CD109: variants seen among roughly 807,000 people sequenced by gnomAD.
The protein encoded by CD109 is CD109 antigen.
Under a neutral mutation model 165.8 loss-of-function variants are expected in CD109, and 149 were observed. That is an observed-to-expected ratio of 0.90 (90% CI 0.79 to 1.03). The LOEUF is 1.03. CD109 is among the 50% of genes least tolerant of loss of function. CD109 has a pLI of 0.00. For missense variants in CD109, 1,712 were observed against 1,677.8 expected (o/e 1.02, Z -0.36); for synonymous variants, 585 against 592.1 (o/e 0.99, Z 0.18).
chr6:73,712,479 T>G (rs1291940471), intron 2 of CD109, among the ~76,000 whole-genome samples: 1 of 152,182 alleles, frequency 6.6e-6, no homozygotes, highest in Non-Finnish European at 1.5e-5. Flanking sequence ...ATCCACTTTT[T>G]TTTTCATAGA....
chr6:73,767,859 C>A (rs1464848169), intron 13 of CD109, among the ~76,000 whole-genome samples, 196 bp from the exon 14 acceptor site: 3 of 152,144 alleles, frequency 2.0e-5, no homozygotes, highest in Non-Finnish European at 4.4e-5. Context: ...ATCAGTATTA[C>A]TTTAATCTTA....
chr6:73,786,861 T>C (rs893826049), intron 20 of CD109, among the ~76,000 whole-genome samples: 2 of 152,240 alleles, frequency 1.3e-5, no homozygotes, highest in Admixed American at 1.3e-4. Context: ...ATTTTTCTAA[T>C]GAGACCAGTA....
intron 29 of CD109, among the ~76,000 whole-genome samples, chr6:73,813,916 A>T (rs1562086101): frequency 1.3e-5 from 2 of 152,094 alleles, no homozygotes. Context: ...GCATTTCTCC[A>T]ATTTTATGGG....
chr6:73,750,009 C>T (rs953559079), intron 5 of CD109, among the ~76,000 whole-genome samples: 1 of 152,128 alleles, frequency 6.6e-6, no homozygotes. Context: ...CGAATACCTT[C>T]AATGTTAGCT....
chr6:73,815,052 C>T lies in CD109; in HGVS notation c.3840C>T (p.Ala1280=), dbSNP rs766646924. 1 of 1,587,738 alleles carries T rather than the reference C, an allele frequency of 6.3e-7. No homozygotes were observed. Among genetic ancestry groups the T allele is most frequent in the Non-Finnish European group, 8.5e-7 (1 of 1,170,428 alleles). Residue 1280 remains alanine, a synonymous_variant, in exon 30 of 33, where the codon GCC becomes GCT. Coordinates refer to ENST00000287097, the MANE Select transcript of CD109 (RefSeq NM_133493.5). ...GAAGATCTATCCAAAATCAAGAAGC[C>T]TTTGATTTAGATGTTGCTGTAAAAG... ...RRRRSIQNQE[A]FDLDVAVKEN... is the part of the protein sequence containing the mutation.
At chr6:73,683,752 G>A in the CD109 span, among the ~76,000 whole-genome samples, 1 of 152,308 alleles carries the variant, frequency 6.6e-6, no homozygotes, top group South Asian at 2.1e-4. Flanking sequence ...CATAATCATG[G>A]TGGAAGGCAA....
At chr6:73,726,774 GC>G (rs34639255) in intron 3 of CD109, among the ~76,000 whole-genome samples, 8,241 of 152,264 alleles carry the variant, frequency 0.054, 247 homozygotes, top group Middle Eastern at 0.085. Context: ...AGTCAACATA[GC>G]CAATCCAGAG....
At chr6:73,750,582 C>T (rs763896602) in intron 5 of CD109, among the ~76,000 whole-genome samples, 8 of 152,046 alleles carry the variant, frequency 5.3e-5, no homozygotes, top group Non-Finnish European at 8.8e-5. Context: ...AGCAATAAAG[C>T]GCATAAATAG....
intron 14 of CD109, 108 bp downstream of exon 14, chr6:73,768,339 T>G: frequency 1.5e-6 from 1 of 654,958 alleles, no homozygotes; most frequent in Non-Finnish European, 2.6e-6. Context: ...GTTAGAAATT[T>G]ATATTATTCT....
intron 4 of CD109, among the ~76,000 whole-genome samples, chr6:73,732,171 A>C (rs1219629378): frequency 6.6e-6 from 1 of 152,226 alleles, no homozygotes; most frequent in Non-Finnish European, 1.5e-5. Flanking sequence ...GAACCTCCTT[A>C]GTCTCAGGAC....
At chr6:73,771,284 A>G (rs898565184) in intron 14 of CD109, 145 bp from the exon 15 acceptor site, 2 of 570,994 alleles carry the variant, frequency 3.5e-6, no homozygotes, top group African/African-American at 3.9e-5. Flanking sequence ...CTTTCCCTAG[A>G]GAAGGGTTAT....
chr6:73,767,945 TG>T (rs1773908172), intron 13 of CD109, 109 bp from the exon 14 acceptor site: 1 of 884,076 alleles, frequency 1.1e-6, no homozygotes, highest in Admixed American at 2.4e-5. Flanking sequence ...ACTTTGAAGC[TG>T]GTTTAATTCA....
chr6:73,713,331 C>T (rs935613854), intron 2 of CD109, among the ~76,000 whole-genome samples: 9 of 152,176 alleles, frequency 5.9e-5, no homozygotes, highest in Non-Finnish European at 1.3e-4. Flanking sequence ...CTCTGAGTCG[C>T]TCCCTGGATC....
intron 2 of CD109, among the ~76,000 whole-genome samples, chr6:73,717,732 A>G (rs993502150): frequency 2.8e-5 from 4 of 143,514 alleles, no homozygotes; most frequent in Non-Finnish European, 6.0e-5. Context: ...GCATTCTCCT[A>G]CCTCAGACTT....
chr6:73,762,628 T>C (rs1157446367), intron 8 of CD109, 113 bp from the exon 9 acceptor site: 3 of 992,906 alleles, frequency 3.0e-6, no homozygotes, highest in Admixed American at 5.2e-5. Context: ...TATGCAATTA[T>C]AGCGATTAAA....
At chr6:73,691,779 T>C (rs1293935865), upstream of CD109, among the ~76,000 whole-genome samples, 2 of 152,158 alleles carry the variant, frequency 1.3e-5, no homozygotes, top group Non-Finnish European at 2.9e-5. Flanking sequence ...GTCTCACTCA[T>C]AGTGGTTCTG....
rs900545016 is a variant in CD109, at chr6:73,810,049, G to A, written c.3421G>A (p.Asp1141Asn). Residue 1141 changes from aspartate (D) to asparagine (N), a missense_variant, in exon 27 of 33, where the codon GAT becomes AAT. By Grantham distance (23) the Asp-to-Asn change is conservative (BLOSUM62 1). Coordinates refer to ENST00000287097, the MANE Select transcript of CD109 (RefSeq NM_133493.5). Reference protein sequence around the residue: ...LSDSWQPRSLDIEVAAYALLS... With the variant: ...LSDSWQPRSLNIEVAAYALLS... The stretch of plus-strand genomic sequence containing the variant: ...TGACTCCTGGCAGCCACGCTCCCTG[G>A]ATATTGAAGTTGCAGCCTATGCACT... The A allele has an allele frequency of 6.2e-7, 1 of 1,606,558 alleles. No individual in the cohort carries two copies. Among genetic ancestry groups the A allele is most frequent in the South Asian group, 1.1e-5 (1 of 89,958 alleles).
intron 3 of CD109, among the ~76,000 whole-genome samples, chr6:73,726,958 A>G (rs574139933): frequency 6.6e-6 from 1 of 152,314 alleles, no homozygotes; most frequent in African/African-American, 2.4e-5. Context: ...TTTAAGAGCC[A>G]TGGAAGTCAC....
intron 10 of CD109, 31 bp downstream of exon 10, chr6:73,763,716 G>T: frequency 8.9e-7 from 1 of 1,129,300 alleles, no homozygotes; most frequent in Non-Finnish European, 1.3e-6. Context: ...CCAGTCCATA[G>T]CAGTAAGTTC....
Sources: allele counts gnomAD v4.1 joint callset (sites outside exome capture counted in the v4.1 genomes callset), GRCh38; gene constraint gnomAD v4.1.1; transcripts MANE v1.5; gene names NCBI Gene and HGNC (gene_info 2026-07-23, HGNC 2026-07-21).